The following DNER variants were observed in gnomAD, a reference collection of about 807,000 sequenced individuals.
DNER encodes the protein delta and Notch-like epidermal growth factor-related receptor.
A neutral mutation model predicts 78.2 loss-of-function variants in DNER; 33 were observed. The ratio of observed to expected loss-of-function variants is 0.42; its 90% CI spans 0.32 to 0.56. The LOEUF is 0.56. Among genes scored for constraint, DNER ranks in the 20% least tolerant of loss-of-function variants. DNER has a pLI of 0.11. For synonymous variants in DNER, 417 were observed against 384.8 expected, an observed-to-expected ratio of 1.08 and a Z score of -0.98; for missense variants, 918 against 975.3, an observed-to-expected ratio of 0.94 and a Z score of 0.78.
chr2:229,391,532 A>ATTCTTTT, intron 10 of DNER, among the ~76,000 whole-genome samples: 1 of 152,056 alleles, frequency 6.6e-6, no homozygotes, highest in African/African-American at 2.4e-5. Context: ...ATCTTTTATA[A>ATTCTTTT]TTCTTTTTTC....
rs77239040 is a variant in DNER at position 229,578,895 on chromosome 2, T to C, written c.847+6963A>G. 2.1e-3 allele frequency among the ~76,000 whole-genome samples: 316 copies of C among 152,296 alleles called. 4 individuals are homozygous for C. Among genetic ancestry groups the C allele is most frequent in the African/African-American group, 7.1e-3 (297 of 41,570 alleles). On this transcript the variant is annotated intron_variant, in intron 4 of 12. Transcript: ENST00000341772. ...ATCGAAGACTAGAAGATCCCTCTTT[T>C]TCGTTTGAAAGATAAACAGAGAACT...
chr2:229,508,850 C>T (rs1307122066), intron 6 of DNER, among the ~76,000 whole-genome samples: 1 of 151,820 alleles, frequency 6.6e-6, no homozygotes, highest in East Asian at 1.9e-4. Context: ...CACTGCCCTC[C>T]AGCCTGGGCG....
At chr2:229,524,858 G>A (rs754936671) in intron 5 of DNER, among the ~76,000 whole-genome samples, 1 of 152,210 alleles carries the variant, frequency 6.6e-6, no homozygotes, top group Non-Finnish European at 1.5e-5. Flanking sequence ...GGTCAATCCT[G>A]AGTGGCAGCT....
intron 6 of DNER, among the ~76,000 whole-genome samples, chr2:229,507,499 G>A (rs973169402): frequency 5.9e-5 from 9 of 152,220 alleles, no homozygotes; most frequent in Admixed American, 2.0e-4. Context: ...AATTAATTAC[G>A]TTTCTGGAAA....
intron 1 of DNER, among the ~76,000 whole-genome samples, chr2:229,656,726 G>A (rs947104813): frequency 2.0e-5 from 3 of 152,112 alleles, no homozygotes; most frequent in Admixed American, 1.3e-4. Flanking sequence ...ATTCTCACAG[G>A]AGGAGTTTAA....
intron 8 of DNER, among the ~76,000 whole-genome samples, chr2:229,431,564 T>C (rs1378512636): frequency 1.4e-5 from 2 of 145,998 alleles, no homozygotes; most frequent in Non-Finnish European, 3.0e-5. Context: ...ATTCTACTTA[T>C]TATCTAGGCA....
At chr2:229,536,122 T>A (rs1696399005) in intron 5 of DNER, among the ~76,000 whole-genome samples, 1 of 152,202 alleles carries the variant, frequency 6.6e-6, no homozygotes, top group African/African-American at 2.4e-5. Flanking sequence ...ATGCTAAAAG[T>A]TTTTCCCTCA....
rs776828988 is a variant in DNER, at chr2:229,585,993, A to T, written c.712T>A (p.Leu238Met). ...CCTGTGGCCGTGACCTTCCAGAGCAAAATCAGTGAGGCAGTGGCATCTTGC... is the reference window on the plus strand; with the variant it reads ...CCTGTGGCCGTGACCTTCCAGAGCATAATCAGTGAGGCAGTGGCATCTTGC... ...IRQDATASLI[L>M]LWKVTATGFQ... Residue 238 changes from leucine (L) to methionine (M), a missense_variant, in exon 4 of 13, where the codon TTG becomes ATG. By Grantham distance (15) the Leu-to-Met change is conservative. Coordinates refer to ENST00000341772, the MANE Select transcript of DNER (RefSeq NM_139072.4). 1.7e-5 allele frequency: 28 copies of T among 1,613,576 alleles called. No individual in the cohort carries two copies. Among genetic ancestry groups the T allele is most frequent in the Non-Finnish European group, 2.4e-5 (28 of 1,179,850 alleles).
chr2:229,681,665 A>G (rs1169921446), intron 1 of DNER, among the ~76,000 whole-genome samples: 1 of 152,118 alleles, frequency 6.6e-6, no homozygotes, highest in African/African-American at 2.4e-5. Context: ...CAGCCACACA[A>G]CACCGCTCAA....
At chr2:229,549,776 T>C (rs1696695446) in intron 4 of DNER, among the ~76,000 whole-genome samples, 1 of 151,772 alleles carries the variant, frequency 6.6e-6, no homozygotes, top group Non-Finnish European at 1.5e-5. Flanking sequence ...CCAGGCATGT[T>C]GGCATGCGCC....
chr2:229,566,661 G>A (rs538438046), intron 4 of DNER, among the ~76,000 whole-genome samples: 16 of 152,120 alleles, frequency 1.1e-4, no homozygotes, highest in Non-Finnish European at 1.8e-4. Context: ...AAAGGTCTTC[G>A]GCACCCAGCC....
chr2:229,387,563 GA>G (rs750209136), intron 11 of DNER, among the ~76,000 whole-genome samples: 2 of 143,884 alleles, frequency 1.4e-5, no homozygotes, highest in Non-Finnish European at 3.1e-5. Context: ...AAGAAAGAAA[GA>G]AAGAAAAGAA....
intron 1 of DNER, among the ~76,000 whole-genome samples, chr2:229,682,712 G>T (rs997901386): frequency 6.6e-6 from 1 of 152,140 alleles, no homozygotes; most frequent in Non-Finnish European, 1.5e-5. Flanking sequence ...GCCGGGCGTG[G>T]TGGTGGGGGC....
At chr2:229,702,810 G>A (rs1011877333) in intron 1 of DNER, among the ~76,000 whole-genome samples, 4 of 151,750 alleles carry the variant, frequency 2.6e-5, no homozygotes, top group Admixed American at 6.6e-5. Flanking sequence ...CCAGCTACTC[G>A]GGAGGCTGAG....
At chr2:229,477,113 CT>C in intron 7 of DNER, 26 bp downstream of exon 7, 1 of 1,575,818 alleles carries the variant, frequency 6.3e-7, no homozygotes, top group Non-Finnish European at 8.7e-7. Flanking sequence ...GAAAAAAGTT[CT>C]TTCTGGAGTA....
chr2:229,445,586 G>A (rs1016243399), intron 8 of DNER, among the ~76,000 whole-genome samples: 6 of 152,192 alleles, frequency 3.9e-5, no homozygotes, highest in South Asian at 2.1e-4. Flanking sequence ...CAGAATGTGC[G>A]TGGGCTGCAT....
intron 1 of DNER, among the ~76,000 whole-genome samples, chr2:229,663,135 G>A (rs1359065155): frequency 1.3e-5 from 2 of 152,100 alleles, no homozygotes; most frequent in Non-Finnish European, 1.5e-5. Context: ...AGAGTGTTTA[G>A]CTTTGATCTA....
At chr2:229,403,338 G>GA (rs983447410) in intron 10 of DNER, among the ~76,000 whole-genome samples, 2 of 151,774 alleles carry the variant, frequency 1.3e-5, no homozygotes, top group African/African-American at 2.4e-5. Context: ...TCTCTTTAAG[G>GA]AAAAAAATGG....
At chr2:229,581,816 A>T (rs1697401803) in intron 4 of DNER, among the ~76,000 whole-genome samples, 1 of 152,210 alleles carries the variant, frequency 6.6e-6, no homozygotes, top group African/African-American at 2.4e-5. Context: ...AAAGACACAG[A>T]AGGAACTCCT....
Sources: gnomAD v4.1 joint callset for allele counts (sites outside exome capture counted in the v4.1 genomes callset) on GRCh38, gnomAD v4.1.1 for gene constraint, MANE v1.5 for transcripts, NCBI Gene and HGNC (gene_info 2026-07-23, HGNC 2026-07-21) for gene names.